The following SFMBT2 variants were observed in gnomAD, a reference collection of about 807,000 sequenced individuals.
SFMBT2 encodes Scm like with four mbt domains 2.
SFMBT2 carries 38 observed loss-of-function variants against 110.1 expected under a neutral mutation model. The ratio of observed to expected loss-of-function variants is 0.35; its 90% CI spans 0.27 to 0.45. The LOEUF (loss-of-function observed/expected upper bound fraction) is 0.45. Among genes scored for constraint, SFMBT2 ranks in the 20% least tolerant of loss-of-function variants. The pLI, the probability that SFMBT2 is intolerant of heterozygous loss-of-function variation, is 1.00. For synonymous variants in SFMBT2, 425 were observed against 425.4 expected, an observed-to-expected ratio of 1.00 and a Z score of 0.01; for missense variants, 1,011 against 1,094.9, an observed-to-expected ratio of 0.92 and a Z score of 1.08.
chr10:7,265,647 G>A (rs1841363035), intron 7 of SFMBT2, among the ~76,000 whole-genome samples: 1 of 152,188 alleles, frequency 6.6e-6, no homozygotes, highest in African/African-American at 2.4e-5. Context: ...ATCCTTAGTT[G>A]TAAACTCACC....
At chr10:7,384,104 G>A (rs984475174) in intron 1 of SFMBT2, among the ~76,000 whole-genome samples, 3 of 150,996 alleles carry the variant, frequency 2.0e-5, no homozygotes, top group South Asian at 2.1e-4. Context: ...CCAGCTACTC[G>A]GGAAGCTGAG....
At position 7,367,774 on chromosome 10, in the gene SFMBT2, A is replaced by T. The variant is rs766127778; in HGVS notation, c.311T>A (p.Leu104Gln). 6.2e-7 allele frequency: 1 copy of T among 1,614,216 alleles called. No homozygotes were observed. The highest frequency in any genetic ancestry group is 1.7e-5 in the Admixed American group (1 of 60,020). The change falls in exon 4 of 21, where the codon CTG becomes CAG. Residue 104 changes from leucine to glutamine, a missense_variant. By Grantham distance (113) the Leu-to-Gln change is moderately radical. Transcript: ENST00000397167. This position sits in a 1 kb window ranked among gnomAD's most constrained non-coding sequence, Gnocchi z 6.2. ...CCCGTAACCGCAGTAGCGCAGAAGC[A>T]GCAGCTGCCCGCACGTGGTAATGAT... The part of the protein sequence containing the change: ...ATIITTCGQL[L>Q]LLRYCGYGED...
chr10:7,304,348 C>T (rs1209129282), intron 4 of SFMBT2, among the ~76,000 whole-genome samples: 4 of 152,152 alleles, frequency 2.6e-5, no homozygotes, highest in Admixed American at 6.5e-5. Flanking sequence ...CTTTGACTTC[C>T]GCCATGATTG....
chr10:7,204,245 T>C (rs762378750), intron 12 of SFMBT2: 3 of 660,602 alleles, frequency 4.5e-6, no homozygotes, highest in Non-Finnish European at 5.6e-6. Context: ...TCTGGTGCTC[T>C]TAATAATGCT....
At chr10:7,259,296 C>T (rs1026542689) in intron 7 of SFMBT2, among the ~76,000 whole-genome samples, 18 of 152,198 alleles carry the variant, frequency 1.2e-4, no homozygotes, top group African/African-American at 4.3e-4. Flanking sequence ...GAAGCCTCCC[C>T]ACTGGAAAGT....
chr10:7,163,720 T>C lies in SFMBT2; in HGVS notation c.*50A>G. 1 of 1,550,874 alleles carries C rather than the reference T, an allele frequency of 6.4e-7. No homozygotes were observed. The highest frequency in any genetic ancestry group is 8.9e-7 in the Non-Finnish European group (1 of 1,127,756). On this transcript the variant is annotated 3_prime_UTR_variant, in exon 21 of 21. Transcript: ENST00000397167. The surrounding 1 kb of genome is among the most constrained non-coding windows in gnomAD (Gnocchi z 4.8). ...AATCAAAGTTTCAGTCCTGGAAACC[T>C]TTACCAACACCGCATCCCAGCAATA...
intron 4 of SFMBT2, among the ~76,000 whole-genome samples, chr10:7,328,228 C>G (rs963207117): frequency 6.6e-6 from 1 of 152,090 alleles, no homozygotes; most frequent in South Asian, 2.1e-4. Flanking sequence ...CAAATAATAC[C>G]GACATCTTTG....
At chr10:7,297,545 G>A (rs921665682) in intron 4 of SFMBT2, among the ~76,000 whole-genome samples, 1 of 152,102 alleles carries the variant, frequency 6.6e-6, no homozygotes, top group African/African-American at 2.4e-5. Context: ...GAATGGGAGG[G>A]GGAGGAGAAG....
chr10:7,303,047 A>G (rs1423815625), intron 4 of SFMBT2, among the ~76,000 whole-genome samples: 1 of 152,172 alleles, frequency 6.6e-6, no homozygotes, highest in African/African-American at 2.4e-5. Context: ...AGCTGTCAAT[A>G]AGTCATTCTG....
At chr10:7,350,086 G>C (rs1354654149) in intron 4 of SFMBT2, among the ~76,000 whole-genome samples, 1 of 152,116 alleles carries the variant, frequency 6.6e-6, no homozygotes, top group Non-Finnish European at 1.5e-5. Flanking sequence ...CCACTCCACA[G>C]CCTTCTTCCC....
chr10:7,332,804 T>A (rs765394228), intron 4 of SFMBT2, among the ~76,000 whole-genome samples: 18 of 152,220 alleles, frequency 1.2e-4, no homozygotes, highest in Non-Finnish European at 2.1e-4. Context: ...CTTGGAAGCC[T>A]TAACAAAGGA....
intron 9 of SFMBT2, among the ~76,000 whole-genome samples, chr10:7,242,823 G>C (rs1019552466): frequency 6.6e-6 from 1 of 152,184 alleles, no homozygotes; most frequent in African/African-American, 2.4e-5. Context: ...GATCTGGAAA[G>C]GTTAGTACAA....
chr10:7,249,200 C>T, intron 7 of SFMBT2: 1 of 242,426 alleles, frequency 4.1e-6, no homozygotes, highest in Non-Finnish European at 6.6e-6. Context: ...AGGTAAGAAT[C>T]CAAACCTGCC....
rs35145669 is a variant in SFMBT2, at chr10:7,344,958, C to CAAAAA, written c.436+22686_436+22690dup. ...TGGGCGACAGAGCGAGACTCTGTCT[C>CAAAAA]AAAAAAAAAAAAAAAAAAAAAAGAG... On this transcript the variant is annotated intron_variant, in intron 4 of 20. Coordinates refer to ENST00000397167, the MANE Select transcript of SFMBT2 (RefSeq NM_001387889.1). 5.9e-3 allele frequency among the ~76,000 whole-genome samples: 314 copies of CAAAAA among 53,174 alleles called. 9 individuals are homozygous for CAAAAA. The highest frequency in any genetic ancestry group is 0.02 in the African/African-American group (262 of 13,126). 34.9% of individuals were successfully genotyped at this position (53,174 alleles called of 152,430 possible).
At chr10:7,298,307 A>G (rs1842463001) in intron 4 of SFMBT2, among the ~76,000 whole-genome samples, 2 of 151,902 alleles carry the variant, frequency 1.3e-5, no homozygotes, top group African/African-American at 2.4e-5. Flanking sequence ...TGTACTGAGC[A>G]CCCCCTAGAC....
chr10:7,345,250 A>C (rs1316388114), intron 4 of SFMBT2, among the ~76,000 whole-genome samples: 3 of 152,126 alleles, frequency 2.0e-5, no homozygotes, highest in Non-Finnish European at 2.9e-5. Context: ...GCTTCAAACG[A>C]CCTCTCTAGA....
At chr10:7,230,129 T>C (rs933030463) in intron 9 of SFMBT2, among the ~76,000 whole-genome samples, 1 of 152,078 alleles carries the variant, frequency 6.6e-6, no homozygotes, top group African/African-American at 2.4e-5. Context: ...CTGCTGACCA[T>C]CAGTGGCAGG....
chr10:7,220,398 A>G lies in SFMBT2; in HGVS notation c.1330+13T>C. 6.2e-7 allele frequency: 1 copy of G among 1,612,262 alleles called. No individual in the cohort carries two copies. Among genetic ancestry groups the G allele is most frequent in the Non-Finnish European group, 8.5e-7 (1 of 1,178,796 alleles). ...ATTCCCCCCAGCGACTGCTACCCCC[A>G]GCGAGTACGTACCTTCCAGGTGAAG... On this transcript the variant is annotated intron_variant, in intron 11 of 20. Transcript: ENST00000397167.
chr10:7,297,712 T>A (rs983430145), intron 4 of SFMBT2, among the ~76,000 whole-genome samples: 3 of 152,198 alleles, frequency 2.0e-5, no homozygotes, highest in Non-Finnish European at 4.4e-5. Context: ...TAAACAGTTA[T>A]CAAAGTCATG....
Sources: gnomAD v4.1 joint callset for allele counts (sites outside exome capture counted in the v4.1 genomes callset) on GRCh38, gnomAD v4.1.1 for gene constraint, Gnocchi (gnomAD v3.1) non-coding constraint, MANE v1.5 for transcripts, NCBI Gene and HGNC (gene_info 2026-07-23, HGNC 2026-07-21) for gene names.